Variants in GMDS observed in about 807,000 individuals in gnomAD.
GMDS encodes the protein GDP-mannose 4,6-dehydratase.
In GMDS, 20 loss-of-function variants were observed where a neutral mutation model predicts 49.9. The ratio of observed to expected loss-of-function variants is 0.40; its 90% CI spans 0.28 to 0.58. GMDS has a LOEUF of 0.58. Ranked by LOEUF, GMDS falls within the 20% of genes least tolerant of loss-of-function variation. GMDS has a pLI of 0.42. For synonymous variants in GMDS, 177 were observed against 178.6 expected, an observed-to-expected ratio of 0.99 and a Z score of 0.07; for missense variants, 362 against 481.4, an observed-to-expected ratio of 0.75 and a Z score of 2.32.
At chr6:2,064,004 T>C (rs1036941154) in intron 4 of GMDS, among the ~76,000 whole-genome samples, 4 of 152,158 alleles carry the variant, frequency 2.6e-5, no homozygotes, top group African/African-American at 9.7e-5. Flanking sequence ...GTCGGGCAAA[T>C]TGAGTTATCT....
At chr6:1,915,953 C>G (rs1223008499) in intron 7 of GMDS, among the ~76,000 whole-genome samples, 1 of 152,180 alleles carries the variant, frequency 6.6e-6, no homozygotes, top group Non-Finnish European at 1.5e-5. Context: ...TAGAGCTGTT[C>G]ATAAAGAAAG....
intron 4 of GMDS, among the ~76,000 whole-genome samples, chr6:2,109,999 A>G (rs142583590): frequency 6.6e-6 from 1 of 152,298 alleles, no homozygotes; most frequent in African/African-American, 2.4e-5. Context: ...CAAAATAAAT[A>G]AATGAATGAG....
chr6:1,667,924 G>A (rs995714446), intron 9 of GMDS, among the ~76,000 whole-genome samples: 2 of 151,582 alleles, frequency 1.3e-5, no homozygotes, highest in African/African-American at 2.4e-5. Flanking sequence ...GACCCTCTCC[G>A]TATTCAAACA....
At chr6:1,907,645 C>T (rs1385313773) in intron 7 of GMDS, among the ~76,000 whole-genome samples, 1 of 152,154 alleles carries the variant, frequency 6.6e-6, no homozygotes, top group Non-Finnish European at 1.5e-5. Flanking sequence ...ATCAGTGACA[C>T]ATTTAATGTT....
chr6:2,032,988 C>G lies in GMDS; in HGVS notation c.346-72022G>C, dbSNP rs968109172. Reference sequence around the variant, plus strand: ...AATTCTAAATTGAAAGCATAAAATGCAAATAAACATGTAACATGTAGTTAA... The same window carrying G: ...AATTCTAAATTGAAAGCATAAAATGGAAATAAACATGTAACATGTAGTTAA... On this transcript the variant is annotated intron_variant, in intron 4 of 10. Transcript: ENST00000380815. 3.9e-5 allele frequency among the ~76,000 whole-genome samples: 6 copies of G among 152,022 alleles called. 1 individual carries two copies. The highest frequency in any genetic ancestry group is 8.8e-5 in the Non-Finnish European group (6 of 67,988).
intron 7 of GMDS, among the ~76,000 whole-genome samples, chr6:1,825,430 C>T (rs1350396848): frequency 6.6e-6 from 1 of 152,124 alleles, no homozygotes; most frequent in Non-Finnish European, 1.5e-5. Flanking sequence ...TAAATACTGC[C>T]AGTCTAATTT....
At chr6:2,072,430 C>T (rs1772071570) in intron 4 of GMDS, among the ~76,000 whole-genome samples, 1 of 152,164 alleles carries the variant, frequency 6.6e-6, no homozygotes, top group Non-Finnish European at 1.5e-5. Context: ...ACTGATCAAA[C>T]ATGGATTATT....
chr6:1,650,916 A>G (rs1311731991), intron 9 of GMDS, among the ~76,000 whole-genome samples: 2 of 152,186 alleles, frequency 1.3e-5, no homozygotes, highest in Non-Finnish European at 2.9e-5. Flanking sequence ...TTAAGATTAA[A>G]TGCTCTAAAG....
intron 4 of GMDS, among the ~76,000 whole-genome samples, chr6:1,998,076 A>G (rs146730570): frequency 1.3e-5 from 2 of 152,312 alleles, no homozygotes; most frequent in African/African-American, 4.8e-5. Context: ...TTAGGCAAAC[A>G]AATAAACATC....
At position 1,778,710 on chromosome 6, in the gene GMDS, C is replaced by T. The variant is rs899548407; in HGVS notation, c.772-36124G>A. ...TGTCTGTCACTGGAGGGAACTTTCCCTTCCTGCCAGCCAGGAAAAAGCCTG... is the reference window on the plus strand; with the variant it reads ...TGTCTGTCACTGGAGGGAACTTTCCTTTCCTGCCAGCCAGGAAAAAGCCTG... On this transcript the variant is annotated intron_variant, in intron 7 of 10. Transcript: ENST00000380815. The surrounding 1 kb of genome is among the most constrained non-coding windows in gnomAD (Gnocchi z 4.6). Among the ~76,000 whole-genome samples the T allele has an allele frequency of 6.6e-6, 1 of 152,222 alleles. No individual in the cohort carries two copies. Among genetic ancestry groups the T allele is most frequent in the Non-Finnish European group, 1.5e-5 (1 of 68,044 alleles).
intron 1 of GMDS, among the ~76,000 whole-genome samples, chr6:2,151,723 A>C (rs945625941): frequency 6.6e-6 from 1 of 152,110 alleles, no homozygotes; most frequent in African/African-American, 2.4e-5. Context: ...TGGGTTTTCT[A>C]TATTTCAATC....
chr6:1,962,832 C>T (rs903428506), intron 4 of GMDS, among the ~76,000 whole-genome samples: 3 of 150,980 alleles, frequency 2.0e-5, no homozygotes, highest in African/African-American at 7.3e-5. Flanking sequence ...GACTTGCAAT[C>T]TTTCCTCCCA....
At chr6:2,121,167 C>A (rs1775117310) in intron 2 of GMDS, among the ~76,000 whole-genome samples, 1 of 152,144 alleles carries the variant, frequency 6.6e-6, no homozygotes, top group South Asian at 2.1e-4. Context: ...GCCTGAGGCT[C>A]CTTTGCCACA....
chr6:1,924,046 A>G (rs1761865280), intron 7 of GMDS, among the ~76,000 whole-genome samples: 1 of 152,112 alleles, frequency 6.6e-6, no homozygotes, highest in South Asian at 2.1e-4. Flanking sequence ...TTTTCCCCAA[A>G]CACACCCTTT....
At chr6:1,942,641 G>T (rs951364586) in intron 6 of GMDS, among the ~76,000 whole-genome samples, 1 of 152,172 alleles carries the variant, frequency 6.6e-6, no homozygotes, top group Non-Finnish European at 1.5e-5. Flanking sequence ...GAAAAAACTG[G>T]ACTGAAAAGA....
intron 7 of GMDS, among the ~76,000 whole-genome samples, chr6:1,853,517 C>CA (rs34773610): frequency 0.084 from 5,854 of 69,594 alleles, 659 homozygotes; most frequent in African/African-American, 0.26. Flanking sequence ...GACTCCGTCT[C>CA]AAAAAAAAAA....
At chr6:2,189,447 C>T (rs1289568140) in intron 1 of GMDS, among the ~76,000 whole-genome samples, 2 of 152,102 alleles carry the variant, frequency 1.3e-5, no homozygotes, top group Non-Finnish European at 1.5e-5. Context: ...AATGGTGATT[C>T]CCAAATCCAT....
chr6:1,989,588 A>C (rs763623619), intron 4 of GMDS, among the ~76,000 whole-genome samples: 23 of 152,242 alleles, frequency 1.5e-4, no homozygotes, highest in Admixed American at 2.6e-4. Flanking sequence ...TAATCTTTGA[A>C]ACGCAAAAAA....
chr6:2,105,644 A>G (rs2127490569), intron 4 of GMDS, among the ~76,000 whole-genome samples: 1 of 152,358 alleles, frequency 6.6e-6, no homozygotes, highest in African/African-American at 2.4e-5. Context: ...AGAATGTCCT[A>G]AAAGGTTTAT....
Sources: gnomAD v4.1 joint callset for allele counts (sites outside exome capture counted in the v4.1 genomes callset) on GRCh38, gnomAD v4.1.1 for gene constraint, Gnocchi (gnomAD v3.1) non-coding constraint, MANE v1.5 for transcripts, NCBI Gene and HGNC (gene_info 2026-07-23, HGNC 2026-07-21) for gene names.